IGSF9B: variants seen among roughly 807,000 people sequenced by gnomAD.
IGSF9B encodes protein turtle homolog B.
Under a neutral mutation model 143.7 loss-of-function variants are expected in IGSF9B, and 48 were observed. The observed-to-expected ratio is 0.33, with a 90% CI of 0.26 to 0.42. The LOEUF is 0.42. Among genes scored for constraint, IGSF9B ranks in the 20% least tolerant of loss-of-function variants. IGSF9B has a pLI of 1.00. For missense variants in IGSF9B, 1,706 were observed against 1,980.0 expected (o/e 0.86, Z 2.63); for synonymous variants, 903 against 833.1 (o/e 1.08, Z -1.44).
At chr11:133,955,043 C>T (rs755028356) in intron 1 of IGSF9B, among the ~76,000 whole-genome samples, 1 of 152,232 alleles carries the variant, frequency 6.6e-6, no homozygotes, top group African/African-American at 2.4e-5. Context: ...TATTTCAGAG[C>T]CTTCCTTCAG....
chr11:133,906,130 G>A lies in IGSF9B; in HGVS notation c.*2939C>T, dbSNP rs1160470976. On this transcript the variant is annotated 3_prime_UTR_variant, in exon 20 of 20. Transcript: ENST00000533871. ...CGTGATCTCCTACAGAGTGAGTGCC[G>A]AAGTCCTAAGAAGCTGATCAGTAGT... is the stretch of plus-strand genomic sequence containing the variant. Among the ~76,000 whole-genome samples, 4 of 152,200 alleles carry A rather than the reference G, an allele frequency of 2.6e-5. No individual in the cohort carries two copies. The highest frequency in any genetic ancestry group is 4.8e-5 in the African/African-American group (2 of 41,450).
At chr11:133,911,029 A>T (rs1347702980) in intron 19 of IGSF9B, among the ~76,000 whole-genome samples, 2 of 152,272 alleles carry the variant, frequency 1.3e-5, no homozygotes, top group African/African-American at 4.8e-5. Flanking sequence ...CCAGAGATTC[A>T]TGGGGCTTTG....
intron 16 of IGSF9B, 70 bp downstream of exon 16, chr11:133,922,499 G>C: frequency 6.8e-7 from 1 of 1,480,654 alleles, no homozygotes; most frequent in East Asian, 2.3e-5. Flanking sequence ...GCTAAAAATG[G>C]TCCACCTCTC....
At position 133,931,158 on chromosome 11, in the gene IGSF9B, G is replaced by A. The variant is rs1349294862; in HGVS notation, c.1369-24C>T. On this transcript the variant is annotated intron_variant, in intron 10 of 19. Coordinates refer to ENST00000533871, the MANE Select transcript of IGSF9B (RefSeq NM_001277285.4). The surrounding 1 kb of genome is among the most constrained non-coding windows in gnomAD (Gnocchi z 7.7). The stretch of plus-strand genomic sequence containing the variant: ...ACCTTGGTGAACAAGGGGCAGGGAA[G>A]AGGGTGGGAACAGAAATGGGGGTTA... 1 of 1,603,446 alleles carries A rather than the reference G, an allele frequency of 6.2e-7. No individual in the cohort carries two copies. The highest frequency in any genetic ancestry group is 8.5e-7 in the Non-Finnish European group (1 of 1,173,576).
At position 133,920,328 on chromosome 11, in the gene IGSF9B, C is replaced by A; in HGVS notation, c.3397G>T (p.Gly1133Trp). 1 of 1,591,910 alleles carries A rather than the reference C, an allele frequency of 6.3e-7. No individual in the cohort carries two copies. ...CCTTGGCTTGTATGTCGCAGCTGCC[C>A]TTGGCTTACCAGAGGTTGCATAGGT... Reference protein sequence around the residue: ...DRPMQPLVSQGQLRHTSQGMG... With the variant: ...DRPMQPLVSQWQLRHTSQGMG... The change falls in exon 18 of 20, where the codon GGG (glycine) becomes TGG (tryptophan). Residue 1133 changes from glycine (G) to tryptophan (W), a missense_variant. Gly to Trp is a radical substitution (Grantham distance 184, BLOSUM62 -2). Transcript: ENST00000533871.
chr11:133,955,932 G>A (rs1308150986), intron 1 of IGSF9B, among the ~76,000 whole-genome samples: 2 of 151,874 alleles, frequency 1.3e-5, no homozygotes, highest in Admixed American at 1.3e-4. Flanking sequence ...AGCCAGCTCT[G>A]CCTCGCAGCC....
intron 1 of IGSF9B, among the ~76,000 whole-genome samples, chr11:133,954,158 G>C (rs1940210634): frequency 6.6e-6 from 1 of 152,172 alleles, no homozygotes; most frequent in African/African-American, 2.4e-5. Flanking sequence ...AGCAGCATGT[G>C]GACACTGGCT....
chr11:133,937,838 G>A lies in IGSF9B; in HGVS notation c.533C>T (p.Thr178Met), dbSNP rs77432041. Residue 178 changes from threonine (T) to methionine (M), a missense_variant, in exon 4 of 20, where the codon ACG (threonine) becomes ATG (methionine). Physicochemically the swap from Thr to Met is moderately conservative, Grantham distance 81. Around this residue, in one of 7 missense-constraint regions of IGSF9B, gnomAD observed 238 missense variants for 452.6 expected, o/e 0.53. Coordinates refer to ENST00000533871, the MANE Select transcript of IGSF9B (RefSeq NM_001277285.4). ...KPIVTWLKEG[T>M]LLGASGKYQV... Reference sequence around the variant, plus strand: ...GTATTTCCCACTAGCACCGAGGAGCGTCCCCTCCTTGAGCCAGGTGACAAT... The same window carrying A: ...GTATTTCCCACTAGCACCGAGGAGCATCCCCTCCTTGAGCCAGGTGACAAT... The A allele has an allele frequency of 6.1e-4, 977 of 1,610,400 alleles. 25 individuals carry two copies. The East Asian group carries it at 0.02, about 32-fold the overall frequency.
At position 133,906,338 on chromosome 11, in the gene IGSF9B, G is replaced by A. The variant is rs532318494; in HGVS notation, c.*2731C>T. On this transcript the variant is annotated 3_prime_UTR_variant, in exon 20 of 20. Coordinates refer to ENST00000533871, the MANE Select transcript of IGSF9B (RefSeq NM_001277285.4). Reference sequence around the variant, plus strand: ...ACTGCGTTCCACCAATCCCATCGCCGTCCACGGGCTGCAGGAGGGCTGCTG... The same window carrying A: ...ACTGCGTTCCACCAATCCCATCGCCATCCACGGGCTGCAGGAGGGCTGCTG... Among the ~76,000 whole-genome samples, 73 of 152,338 alleles carry A rather than the reference G, an allele frequency of 4.8e-4. 1 individual carries two copies. The South Asian group carries it at 5.2e-3, about 11-fold the overall frequency.
At position 133,936,782 on chromosome 11, in the gene IGSF9B, G is replaced by A. The variant is rs188281010; in HGVS notation, c.680-588C>T. ...CCCCACAACCCCCGAGTTCCTCCAG[G>A]AGGCAGGGCTGGGGAGGCTAAGCCG... On this transcript the variant is annotated intron_variant, in intron 5 of 19. Transcript: ENST00000533871. 3.2e-3 allele frequency among the ~76,000 whole-genome samples: 492 copies of A among 152,314 alleles called. 2 individuals are homozygous for A. The highest frequency in any genetic ancestry group is 0.011 in the African/African-American group (467 of 41,560).
At chr11:133,949,980 A>G (rs1472465281) in intron 1 of IGSF9B, among the ~76,000 whole-genome samples, 1 of 152,224 alleles carries the variant, frequency 6.6e-6, no homozygotes, top group Non-Finnish European at 1.5e-5. Flanking sequence ...TGGAGCAGTT[A>G]TGGCGGGGAA....
In IGSF9B at chr11:133,953,618, A is replaced by G. The variant is rs1236543853; in HGVS notation, c.64+3073T>C. ...CCCAACTACCAGCAGGATCTGAGTC[A>G]GAACCTCACTGTATTTGGGGACACT... On this transcript the variant is annotated intron_variant, in intron 1 of 19. Coordinates refer to ENST00000533871, the MANE Select transcript of IGSF9B (RefSeq NM_001277285.4). This position sits in a 1 kb window ranked among gnomAD's most constrained non-coding sequence, Gnocchi z 4.2. Among the ~76,000 whole-genome samples, 1 of 152,272 alleles carries G rather than the reference A, an allele frequency of 6.6e-6. No individual in the cohort carries two copies. Among genetic ancestry groups the G allele is most frequent in the Non-Finnish European group, 1.5e-5 (1 of 68,050 alleles).
At position 133,919,915 on chromosome 11, in the gene IGSF9B, C is replaced by G; in HGVS notation, c.3810G>C (p.Arg1270=). ...CCAGAGTGGTGAAGCCCATGGCGGGCCGGTAGCTGGGACTCCCACTGCGGC... is the reference window on the plus strand; with the variant it reads ...CCAGAGTGGTGAAGCCCATGGCGGGGCGGTAGCTGGGACTCCCACTGCGGC... The part of the protein sequence containing the change: ...QSSRSGSPSY[R]PAMGFTTLAT... Residue 1270 remains arginine, a synonymous_variant, in exon 18 of 20, where the codon CGG becomes CGC. Coordinates refer to ENST00000533871, the MANE Select transcript of IGSF9B (RefSeq NM_001277285.4). 6.4e-7 allele frequency: 1 copy of G among 1,565,360 alleles called. No individual in the cohort carries two copies. Among genetic ancestry groups the G allele is most frequent in the Non-Finnish European group, 8.7e-7 (1 of 1,154,632 alleles).
chr11:133,933,622 C>T (rs980492471), intron 7 of IGSF9B, among the ~76,000 whole-genome samples: 29 of 152,184 alleles, frequency 1.9e-4, no homozygotes, highest in Admixed American at 1.7e-3. Context: ...GTGGCACACA[C>T]CTGTAGTCCC....
chr11:133,934,874 T>G (rs1173721075), intron 7 of IGSF9B, among the ~76,000 whole-genome samples: 1 of 152,228 alleles, frequency 6.6e-6, no homozygotes, highest in African/African-American at 2.4e-5. Flanking sequence ...GTCTGTTATC[T>G]ACAGCAACAA....
chr11:133,926,048 G>A lies in IGSF9B; in HGVS notation c.1808-83C>T, dbSNP rs1939620108. 4 of 1,015,834 alleles carry A rather than the reference G, an allele frequency of 3.9e-6. No homozygotes were observed. The East Asian group carries it at 1.0e-4, about 27-fold the overall frequency. The allele number at this position is 1,015,834 out of a possible 1,614,324, so 62.9% of individuals were successfully genotyped here. ...GCACCCCCCACACTCCTGTGCACAT[G>A]TCAGGGCCCAGAGGGAAGCAGAGTC... is the stretch of plus-strand genomic sequence containing the variant. On this transcript the variant is annotated intron_variant, in intron 13 of 19. Coordinates refer to ENST00000533871, the MANE Select transcript of IGSF9B (RefSeq NM_001277285.4).
In IGSF9B at chr11:133,928,507, C is replaced by T. The variant is rs773729967; in HGVS notation, c.1631+1164G>A. 4.6e-5 allele frequency among the ~76,000 whole-genome samples: 7 copies of T among 152,168 alleles called. No individual in the cohort carries two copies. Among genetic ancestry groups the T allele is most frequent in the Non-Finnish European group, 8.8e-5 (6 of 68,032 alleles). On this transcript the variant is annotated intron_variant, in intron 12 of 19. Transcript: ENST00000533871. The surrounding 1 kb of genome is among the most constrained non-coding windows in gnomAD (Gnocchi z 4.7). ...GTCTCCCTGAACCCCCTGAGCTGCC[C>T]CAGGTGCCTGCCTTTTCCCCCTCCC...
chr11:133,946,396 T>TGTGCCTGGGA, intron 1 of IGSF9B, 138 bp from the exon 2 acceptor site: 1 of 691,836 alleles, frequency 1.4e-6, no homozygotes, highest in Non-Finnish European at 2.5e-6. Flanking sequence ...CCCAGGAGGG[T>TGTGCCTGGGA]CCCAGGCACA....
Position 133,919,086 on chromosome 11 carries a change from G to C in IGSF9B, c.3983+656C>G, listed in dbSNP as rs747819474. ...TCAGGCGGGCTGGTCGCGGGAGCTG[G>C]TCTGTCTCTCTGCAGCTTCCTGCGA... On this transcript the variant is annotated intron_variant, in intron 18 of 19. Transcript: ENST00000533871. 1.1e-5 allele frequency: 5 copies of C among 448,906 alleles called. 1 individual carries two copies. The highest frequency in any genetic ancestry group is 7.9e-5 in the South Asian group (5 of 63,526). 27.8% of individuals were successfully genotyped at this position (448,906 alleles called of 1,614,324 possible).
Sources: gnomAD v4.1 joint callset for allele counts (sites outside exome capture counted in the v4.1 genomes callset) on GRCh38, gnomAD v4.1.1 for gene constraint, gnomAD v4.1.1 regional missense constraint, Gnocchi (gnomAD v3.1) non-coding constraint, MANE v1.5 for transcripts, NCBI Gene and HGNC (gene_info 2026-07-23, HGNC 2026-07-21) for gene names.